Variants in RBFOX3 observed in about 807,000 individuals in gnomAD.
The protein encoded by RBFOX3 is RNA binding protein fox-1 homolog 3.
Under a neutral mutation model 48.7 loss-of-function variants are expected in RBFOX3, and 17 were observed. The observed-to-expected ratio is 0.35, with a 90% CI of 0.24 to 0.52. The LOEUF is 0.52. Ranked by LOEUF, RBFOX3 falls within the 20% of genes least tolerant of loss-of-function variation. The pLI is 0.94. For missense variants in RBFOX3, 382 were observed against 497.5 expected, an observed-to-expected ratio of 0.77 and a Z score of 2.21; for synonymous variants, 212 against 209.5, an observed-to-expected ratio of 1.01 and a Z score of -0.10.
chr17:79,413,905 C>G (rs564134392), intron 2 of RBFOX3, among the ~76,000 whole-genome samples: 9 of 151,014 alleles, frequency 6.0e-5, no homozygotes, highest in African/African-American at 2.2e-4. Context: ...CTCATACAGG[C>G]GGGTAGTGGT....
chr17:79,293,173 A>G (rs1159424022), intron 3 of RBFOX3, among the ~76,000 whole-genome samples: 2 of 152,232 alleles, frequency 1.3e-5, no homozygotes, highest in African/African-American at 4.8e-5. Context: ...AACAGAGCAC[A>G]TCTCATTATC....
At chr17:79,574,289 G>A (rs938453085) in intron 1 of RBFOX3, among the ~76,000 whole-genome samples, 2 of 152,164 alleles carry the variant, frequency 1.3e-5, no homozygotes, top group African/African-American at 4.8e-5. Flanking sequence ...GGACATTAAG[G>A]CATTCTTAGT....
At chr17:79,434,685 G>A (rs1314918421) in intron 2 of RBFOX3, among the ~76,000 whole-genome samples, 1 of 152,196 alleles carries the variant, frequency 6.6e-6, no homozygotes, top group Non-Finnish European at 1.5e-5. Flanking sequence ...AGCCAAGGGA[G>A]CAAGCAGGCC....
chr17:79,292,406 C>A (rs1220124759), intron 3 of RBFOX3, among the ~76,000 whole-genome samples: 1 of 152,120 alleles, frequency 6.6e-6, no homozygotes, highest in East Asian at 1.9e-4. Flanking sequence ...GCTGTCTCCC[C>A]ACTAACCAAG....
rs1480336202 is a variant in RBFOX3 at position 79,243,605 on chromosome 17, G to A, written c.-73-7800C>T. Among the ~76,000 whole-genome samples the A allele has an allele frequency of 6.6e-6, 1 of 152,060 alleles. No homozygotes were observed. The highest frequency in any genetic ancestry group is 1.5e-5 in the Non-Finnish European group (1 of 68,012). ...GGCTGCCCTCAGGTGGGAGGGTGTG[G>A]GGAAGGTGCTGGCTTTGCATGAGCG... On this transcript the variant is annotated intron_variant, in intron 3 of 14. Transcript: ENST00000693108. The surrounding 1 kb of genome is among the most constrained non-coding windows in gnomAD (Gnocchi z 7.9).
At chr17:79,354,890 A>C (rs1000968955) in intron 2 of RBFOX3, among the ~76,000 whole-genome samples, 7 of 152,264 alleles carry the variant, frequency 4.6e-5, no homozygotes, top group African/African-American at 1.7e-4. Flanking sequence ...ATCCTTCTAA[A>C]GTAAAATTAA....
chr17:79,420,861 T>G lies in RBFOX3; in HGVS notation c.-175+61593A>C, dbSNP rs558937611. 2.0e-5 allele frequency among the ~76,000 whole-genome samples: 3 copies of G among 152,256 alleles called. No homozygotes were observed. The East Asian group carries it at 5.8e-4, about 29-fold the overall frequency. ...TCTTCGTCTAGCCAGGAAGTAACAA[T>G]GTGATGTGGGGGCTGGTCTGGGGTC... is the stretch of plus-strand genomic sequence containing the variant. On this transcript the variant is annotated intron_variant, in intron 2 of 14. Transcript: ENST00000693108.
At chr17:79,396,634 C>T (rs2062026237) in intron 2 of RBFOX3, among the ~76,000 whole-genome samples, 1 of 152,242 alleles carries the variant, frequency 6.6e-6, no homozygotes. Flanking sequence ...CCGTCATTAT[C>T]CAGAGAAAAA....
rs968220559 is a variant in RBFOX3, at chr17:79,467,249, T to G, written c.-175+15205A>C. ...CTGCTTCCCATGGAAACCTCTCCTC[T>G]GATGCTTGAGAGAGGCTGATGTGTG... On this transcript the variant is annotated intron_variant, in intron 2 of 14. Transcript: ENST00000693108. 1.1e-3 allele frequency among the ~76,000 whole-genome samples: 167 copies of G among 152,140 alleles called. 1 individual carries two copies. The highest frequency in any genetic ancestry group is 4.0e-3 in the African/African-American group (165 of 41,526).
At chr17:79,273,675 A>T (rs943829639) in intron 3 of RBFOX3, among the ~76,000 whole-genome samples, 2 of 152,100 alleles carry the variant, frequency 1.3e-5, no homozygotes, top group Non-Finnish European at 2.9e-5. Flanking sequence ...GGGCATTGGT[A>T]CCACAGAGCT....
chr17:79,461,195 T>A (rs1292454498), intron 2 of RBFOX3, among the ~76,000 whole-genome samples: 1 of 152,258 alleles, frequency 6.6e-6, no homozygotes, highest in African/African-American at 2.4e-5. Flanking sequence ...CCCAGCGTGA[T>A]GACTAACACA....
rs1355393797 is a variant in RBFOX3 at position 79,364,867 on chromosome 17, G to A, written c.-174-57043C>T. Among the ~76,000 whole-genome samples the A allele has an allele frequency of 3.3e-5, 5 of 152,160 alleles. No individual in the cohort carries two copies. Among genetic ancestry groups the A allele is most frequent in the African/African-American group, 1.2e-4 (5 of 41,434 alleles). The stretch of plus-strand genomic sequence containing the variant: ...CTCAGCTGGAGAGGCTACCTTGTGT[G>A]GCCAGAACCACTCAGTCAATGTGAG... On this transcript the variant is annotated intron_variant, in intron 2 of 14. Transcript: ENST00000693108. The surrounding 1 kb of genome is among the most constrained non-coding windows in gnomAD (Gnocchi z 5.1).
chr17:79,369,211 C>A (rs1401828933), intron 2 of RBFOX3, among the ~76,000 whole-genome samples: 1 of 152,244 alleles, frequency 6.6e-6, no homozygotes, highest in East Asian at 1.9e-4. Context: ...GCCCATCAGC[C>A]GGGGTTGACC....
At chr17:79,614,207 C>T (rs1252135516), upstream of RBFOX3, among the ~76,000 whole-genome samples, 1 of 152,236 alleles carries the variant, frequency 6.6e-6, no homozygotes, top group Non-Finnish European at 1.5e-5. Context: ...CGGATAGCCC[C>T]TCTGGAGGTT....
In RBFOX3 at chr17:79,278,531, G is replaced by A. The variant is rs369902434; in HGVS notation, c.-74+29193C>T. On this transcript the variant is annotated intron_variant, in intron 3 of 14. Transcript: ENST00000693108. ...TGGGAAGTGGCCCTTGCAGTGAGGT[G>A]GGGAACCAGGGAGCATGCAGACCCC... Among the ~76,000 whole-genome samples, 137 of 99,746 alleles carry A rather than the reference G, an allele frequency of 1.4e-3. 1 individual carries two copies. Among genetic ancestry groups the A allele is most frequent in the African/African-American group, 5.4e-3 (133 of 24,586 alleles). 65.4% of individuals were successfully genotyped at this position (99,746 alleles called of 152,430 possible). A position where few individuals can be genotyped will look rare whatever the true frequency, so the allele number is the denominator to read the frequency against.
chr17:79,637,203 G>A, the RBFOX3 span, among the ~76,000 whole-genome samples: 3 of 152,198 alleles, frequency 2.0e-5, no homozygotes, highest in Non-Finnish European at 2.9e-5. Flanking sequence ...TATAACAGTA[G>A]TAGGGGACTT....
intron 2 of RBFOX3, among the ~76,000 whole-genome samples, chr17:79,448,056 G>A (rs1555739335): frequency 6.6e-6 from 1 of 152,210 alleles, no homozygotes; most frequent in East Asian, 1.9e-4. Flanking sequence ...ATGATTGGAA[G>A]TTTCCTGAGG....
At chr17:79,516,273 T>G (rs2085238985) in intron 1 of RBFOX3, 1 of 152,144 alleles carries the variant, frequency 6.6e-6, no homozygotes, top group African/African-American at 2.4e-5. Context: ...GGACAGACAT[T>G]GAATTGAAGA....
intron 1 of RBFOX3, among the ~76,000 whole-genome samples, chr17:79,605,870 C>A (rs1233164791): frequency 6.6e-6 from 1 of 152,134 alleles, no homozygotes; most frequent in Non-Finnish European, 1.5e-5. Flanking sequence ...GCCCTGGCCC[C>A]AACCTACACG....
Sources: gnomAD v4.1 joint callset for allele counts (sites outside exome capture counted in the v4.1 genomes callset) on GRCh38, gnomAD v4.1.1 for gene constraint, Gnocchi (gnomAD v3.1) non-coding constraint, MANE v1.5 for transcripts, NCBI Gene and HGNC (gene_info 2026-07-23, HGNC 2026-07-21) for gene names.